MYO9B: variants seen among roughly 807,000 people sequenced by gnomAD.
MYO9B encodes the protein myosin IXB, also known as unconventional myosin-IXb.
Under a neutral mutation model 229.5 loss-of-function variants are expected in MYO9B, and 71 were observed. The ratio of observed to expected loss-of-function variants is 0.31; its 90% CI spans 0.26 to 0.38. The LOEUF is 0.38. Ranked by LOEUF, MYO9B falls within the 10% of genes least tolerant of loss-of-function variation. The pLI is 1.00. For synonymous variants in MYO9B, 1,185 were observed against 1,235.8 expected (o/e 0.96, Z 0.86); for missense variants, 2,255 against 2,920.5 (o/e 0.77, Z 5.25).
At position 17,195,485 on chromosome 19, in the gene MYO9B, A is replaced by G; in HGVS notation, c.4046+12A>G. ...CTCACGCCCACAGAGTAAGCCCCAC[A>G]CCCTCTTTTGTCTGAGCACCAGGGT... On this transcript the variant is annotated intron_variant, in intron 22 of 39. Transcript: ENST00000682292. The surrounding 1 kb of genome is among the most constrained non-coding windows in gnomAD (Gnocchi z 4.5). 1 of 1,579,992 alleles carries G rather than the reference A, an allele frequency of 6.3e-7. No individual in the cohort carries two copies.
At chr19:17,210,961 C>T in intron 38 of MYO9B, 113 bp downstream of exon 38, 2 of 901,716 alleles carry the variant, frequency 2.2e-6, no homozygotes, top group South Asian at 3.2e-5. Flanking sequence ...TCATCCCTAA[C>T]ACTGGGCAAA....
Position 17,172,159 on chromosome 19 carries a change from C to G in MYO9B, c.1794-177C>G, listed in dbSNP as rs1302973829. ...TGAGGCAGGCAGGCGCACTGTCATT[C>G]CTTCCTTTCTTCACTCCTTCACCCA... On this transcript the variant is annotated intron_variant, in intron 11 of 39. Coordinates refer to ENST00000682292, the MANE Select transcript of MYO9B (RefSeq NM_004145.4). This position sits in a 1 kb window ranked among gnomAD's most constrained non-coding sequence, Gnocchi z 8.2. Among the ~76,000 whole-genome samples, 7 of 152,146 alleles carry G rather than the reference C, an allele frequency of 4.6e-5. No homozygotes were observed. The highest frequency in any genetic ancestry group is 1.0e-4 in the Non-Finnish European group (7 of 68,016).
chr19:17,120,397 CT>C, intron 2 of MYO9B, among the ~76,000 whole-genome samples: 1 of 152,258 alleles, frequency 6.6e-6, no homozygotes, highest in African/African-American at 2.4e-5. Flanking sequence ...AATCCCAGTG[CT>C]TTGGGAAGCC....
chr19:17,210,235 G>A, intron 36 of MYO9B, 98 bp from the exon 37 acceptor site: 7 of 1,271,762 alleles, frequency 5.5e-6, no homozygotes, highest in East Asian at 2.6e-5. Context: ...TGGGAACCAG[G>A]GACCCCCTAT....
rs563139348 is a variant in MYO9B, at chr19:17,206,792, C to T, written c.5492+8C>T. 3.5e-5 allele frequency: 54 copies of T among 1,563,818 alleles called. No homozygotes were observed. In the East Asian group the frequency reaches 8.7e-4, roughly 25 times the overall value. On this transcript the variant is annotated splice_region_variant and intron_variant, in intron 34 of 39. Transcript: ENST00000682292. ...CATCTTCCACCTTGTCAAGCAAGTG[C>T]CTCCCCACCTGCCCTCTGTGGGGTT...
rs550614779 is a variant in MYO9B, at chr19:17,110,615, A to G, written c.840+8058A>G. Among the ~76,000 whole-genome samples, 134 of 152,302 alleles carry G rather than the reference A, an allele frequency of 8.8e-4. 5 individuals are homozygous for G. The South Asian group carries it at 0.027, about 31-fold the overall frequency. ...GTGCAGCTGGCAGCTGGCAGCGTGCATGGGGTTTTCATTCTGAAAGCAGAA... is the reference window on the plus strand; with the variant it reads ...GTGCAGCTGGCAGCTGGCAGCGTGCGTGGGGTTTTCATTCTGAAAGCAGAA... On this transcript the variant is annotated intron_variant, in intron 2 of 39. Transcript: ENST00000682292.
Position 17,193,985 on chromosome 19 carries a change from C to T in MYO9B, c.3129-571C>T, listed in dbSNP as rs1244934602. ...GCCAGGAGTTGGAGACCAGCCTAGC[C>T]AACATGGCAAAACCCCATCTTACGA... On this transcript the variant is annotated intron_variant, in intron 21 of 39. Transcript: ENST00000682292. This position sits in a 1 kb window ranked among gnomAD's most constrained non-coding sequence, Gnocchi z 4.3. Among the ~76,000 whole-genome samples, 1 of 152,036 alleles carries T rather than the reference C, an allele frequency of 6.6e-6. No homozygotes were observed. Among genetic ancestry groups the T allele is most frequent in the Non-Finnish European group, 1.5e-5 (1 of 68,024 alleles).
chr19:17,088,682 C>G (rs1419917568), intron 1 of MYO9B, among the ~76,000 whole-genome samples: 2 of 152,062 alleles, frequency 1.3e-5, no homozygotes, highest in African/African-American at 4.8e-5. Context: ...TGTTTATTTA[C>G]TTATTTGTGT....
intron 2 of MYO9B, among the ~76,000 whole-genome samples, chr19:17,141,787 C>T (rs941744367): frequency 3.9e-5 from 6 of 152,130 alleles, no homozygotes; most frequent in African/African-American, 7.2e-5. Context: ...CATGGAAGGC[C>T]CCAGAGGGGA....
In MYO9B at chr19:17,130,569, G is replaced by A. The variant is rs185583383; in HGVS notation, c.841-14828G>A. Among the ~76,000 whole-genome samples, 15 of 151,612 alleles carry A rather than the reference G, an allele frequency of 9.9e-5. No individual in the cohort carries two copies. In the East Asian group the frequency reaches 2.1e-3, roughly 22 times the overall value. The stretch of plus-strand genomic sequence containing the variant: ...CAGGAGGCGGAGCTTGGAGTGAGCC[G>A]AGATCGTGCCACTGCACTCCAGCCT... On this transcript the variant is annotated intron_variant, in intron 2 of 39. Transcript: ENST00000682292.
intron 22 of MYO9B, 133 bp from the exon 23 acceptor site, chr19:17,197,659 C>A: frequency 2.0e-6 from 2 of 996,526 alleles, no homozygotes; most frequent in Non-Finnish European, 3.0e-6. Flanking sequence ...ACAACCAAAA[C>A]TGTCTCTAGA....
chr19:17,159,184 A>T (rs1430111915), intron 7 of MYO9B, among the ~76,000 whole-genome samples: 1 of 135,696 alleles, frequency 7.4e-6, no homozygotes, highest in East Asian at 2.2e-4. Context: ...ATAGAGTGAG[A>T]CTCTGTCTCA....
At chr19:17,119,940 G>A (rs768479466) in intron 2 of MYO9B, among the ~76,000 whole-genome samples, 8 of 152,152 alleles carry the variant, frequency 5.3e-5, no homozygotes, top group African/African-American at 9.7e-5. Flanking sequence ...AAGCCATTGC[G>A]CCCGGCCAAG....
chr19:17,084,709 C>CAAAAAAA (rs903470342), intron 1 of MYO9B, among the ~76,000 whole-genome samples: 4 of 81,280 alleles, frequency 4.9e-5, no homozygotes, highest in Non-Finnish European at 8.1e-5. Flanking sequence ...ACTAAAAATA[C>CAAAAAAA]AAAAAAAAAA....
chr19:17,079,865 C>G (rs539898357), intron 1 of MYO9B, among the ~76,000 whole-genome samples: 17 of 152,334 alleles, frequency 1.1e-4, no homozygotes, highest in Admixed American at 3.3e-4. Context: ...CAAGACAAGC[C>G]CTTCTCTTCT....
intron 6 of MYO9B, 107 bp from the exon 7 acceptor site, chr19:17,156,802 C>G: frequency 1.5e-6 from 2 of 1,336,612 alleles, no homozygotes; most frequent in Middle Eastern, 2.5e-4. Flanking sequence ...TTCATGCGTT[C>G]CGACCAGAAT....
At position 17,101,191 on chromosome 19, in the gene MYO9B, T is replaced by G. The variant is rs1047539049; in HGVS notation, c.-58-469T>G. Among the ~76,000 whole-genome samples, 10 of 151,636 alleles carry G rather than the reference T, an allele frequency of 6.6e-5. No individual in the cohort carries two copies. Among genetic ancestry groups the G allele is most frequent in the Non-Finnish European group, 1.5e-4 (10 of 67,912 alleles). ...CTTGTAAAAGCCACTGTATTTTTTT[T>G]TAAGTGACAGGGTCTCTCTCTCTCA... On this transcript the variant is annotated intron_variant, in intron 1 of 39. Coordinates refer to ENST00000682292, the MANE Select transcript of MYO9B (RefSeq NM_004145.4). The surrounding 1 kb of genome is among the most constrained non-coding windows in gnomAD (Gnocchi z 4.7).
intron 11 of MYO9B, among the ~76,000 whole-genome samples, chr19:17,168,445 C>T (rs1229235898): frequency 2.0e-5 from 3 of 152,216 alleles, no homozygotes; most frequent in African/African-American, 4.8e-5. Context: ...GGATTACAGG[C>T]GTGTGCCACC....
At chr19:17,113,419 T>A (rs1010417562) in intron 2 of MYO9B, among the ~76,000 whole-genome samples, 1 of 152,092 alleles carries the variant, frequency 6.6e-6, no homozygotes, top group African/African-American at 2.4e-5. Context: ...GAGGCAGAAT[T>A]AGGGCTCTCA....
Sources: gnomAD v4.1 joint callset for allele counts (sites outside exome capture counted in the v4.1 genomes callset) on GRCh38, gnomAD v4.1.1 for gene constraint, Gnocchi (gnomAD v3.1) non-coding constraint, MANE v1.5 for transcripts, NCBI Gene and HGNC (gene_info 2026-07-23, HGNC 2026-07-21) for gene names.